Variants in UBE2W observed in about 807,000 individuals in gnomAD.
The protein encoded by UBE2W is ubiquitin-conjugating enzyme E2 W.
A neutral mutation model predicts 27.2 loss-of-function variants in UBE2W; 18 were observed. The ratio of observed to expected loss-of-function variants is 0.66; its 90% CI spans 0.46 to 0.98. UBE2W has a LOEUF of 0.98. UBE2W is among the 50% of genes least tolerant of loss of function. The probability of loss-of-function intolerance (pLI) is 0.00; values close to 1 mark genes in which losing one functional copy is unlikely to be tolerated. For synonymous variants in UBE2W, 53 were observed against 57.2 expected, an observed-to-expected ratio of 0.93 and a Z score of 0.33; for missense variants, 90 against 180.2, an observed-to-expected ratio of 0.50 and a Z score of 2.87.
chr8:73,857,706 C>T (rs1811363443), intron 1 of UBE2W, among the ~76,000 whole-genome samples: 1 of 152,022 alleles, frequency 6.6e-6, no homozygotes, highest in Admixed American at 6.6e-5. Context: ...GTCCCAGCTA[C>T]TCAGGAAGCT....
intron 2 of UBE2W, among the ~76,000 whole-genome samples, chr8:73,829,642 CCT>C (rs763745129): frequency 1.3e-5 from 2 of 151,848 alleles, no homozygotes; most frequent in Non-Finnish European, 2.9e-5. Flanking sequence ...AGCTTTGACC[CCT>C]GTCTTAGGTA....
At chr8:73,844,256 C>A (rs1236928511) in intron 1 of UBE2W, among the ~76,000 whole-genome samples, 2 of 151,518 alleles carry the variant, frequency 1.3e-5, no homozygotes, top group African/African-American at 2.4e-5. Context: ...CTGCCTGATT[C>A]TCCTGCCTCA....
intron 5 of UBE2W, 149 bp from the exon 6 acceptor site, chr8:73,794,264 G>A (rs1808322302): frequency 1.1e-6 from 1 of 927,370 alleles, no homozygotes. Flanking sequence ...TGAATACAAA[G>A]TGCAATATAT....
At chr8:73,833,675 A>G (rs1442742378) in intron 1 of UBE2W, 1 of 150,626 alleles carries the variant, frequency 6.6e-6, no homozygotes, top group Non-Finnish European at 1.5e-5. Flanking sequence ...ACAAAACAAA[A>G]CACAGTAGTC....
At chr8:73,838,886 A>T (rs773025802) in intron 1 of UBE2W, among the ~76,000 whole-genome samples, 3 of 152,324 alleles carry the variant, frequency 2.0e-5, no homozygotes, top group Middle Eastern at 3.4e-3. Context: ...TTCTGCAACT[A>T]ATCAGACTGA....
intron 1 of UBE2W, among the ~76,000 whole-genome samples, chr8:73,875,984 G>A (rs950788934): frequency 2.0e-5 from 3 of 152,004 alleles, no homozygotes; most frequent in Non-Finnish European, 4.4e-5. Flanking sequence ...CCCTGGGAGC[G>A]GAGGTTGCAG....
chr8:73,873,120 G>A (rs985882508), intron 1 of UBE2W, among the ~76,000 whole-genome samples: 9 of 151,992 alleles, frequency 5.9e-5, no homozygotes, highest in African/African-American at 1.7e-4. Flanking sequence ...TGTTGGCCGG[G>A]CTGGTCTCGA....
At chr8:73,817,432 A>G (rs1422081474) in intron 3 of UBE2W, among the ~76,000 whole-genome samples, 1 of 152,244 alleles carries the variant, frequency 6.6e-6, no homozygotes, top group Non-Finnish European at 1.5e-5. Flanking sequence ...AATACTGGAT[A>G]TGTAAAGGAA....
At chr8:73,808,857 G>A (rs553871823) in intron 4 of UBE2W, among the ~76,000 whole-genome samples, 7 of 152,208 alleles carry the variant, frequency 4.6e-5, no homozygotes, top group African/African-American at 1.7e-4. Flanking sequence ...GAATGGTGAG[G>A]GTTAGAGGAA....
chr8:73,866,874 A>G (rs1811796113), intron 1 of UBE2W, among the ~76,000 whole-genome samples: 1 of 151,638 alleles, frequency 6.6e-6, no homozygotes, highest in Non-Finnish European at 1.5e-5. Flanking sequence ...GTGTGGTGGC[A>G]GGCACCTGTA....
In UBE2W at chr8:73,788,801, T is replaced by C; in HGVS notation, c.*5301A>G. On this transcript the variant is annotated 3_prime_UTR_variant, in exon 6 of 6. Transcript: ENST00000602593. The stretch of plus-strand genomic sequence containing the variant: ...CTTTTCTCAAAACCCAGAGAGTGTA[T>C]GTGCCAAGGACTAGAACAAGAATTG... The C allele has an allele frequency of 4.1e-6, 4 of 985,386 alleles. No homozygotes were observed. The highest frequency in any genetic ancestry group is 4.7e-5 in the South Asian group (1 of 21,290). The allele number at this position is 985,386 out of a possible 1,614,324, so 61.0% of individuals were successfully genotyped here. A position where few individuals can be genotyped will look rare whatever the true frequency, so the allele number is the denominator to read the frequency against.
intron 1 of UBE2W, among the ~76,000 whole-genome samples, chr8:73,832,248 C>CTA (rs1469275415): frequency 6.6e-6 from 1 of 151,894 alleles, no homozygotes; most frequent in East Asian, 1.9e-4. Context: ...CTGCAGTGAA[C>CTA]TATAGTTGTA....
intron 1 of UBE2W, among the ~76,000 whole-genome samples, chr8:73,856,225 G>C (rs1483662310): frequency 6.6e-6 from 1 of 151,934 alleles, no homozygotes; most frequent in Non-Finnish European, 1.5e-5. Flanking sequence ...CTTGTATCTT[G>C]TCCTAAGTAA....
intron 3 of UBE2W, among the ~76,000 whole-genome samples, chr8:73,813,064 T>A (rs372489150): frequency 3.0e-5 from 2 of 66,712 alleles, no homozygotes; most frequent in Non-Finnish European, 5.5e-5. Flanking sequence ...TCAAGAAGAA[T>A]AGTGATCTGA....
intron 1 of UBE2W, among the ~76,000 whole-genome samples, chr8:73,833,420 T>C (rs1050084441): frequency 3.9e-5 from 6 of 151,984 alleles, no homozygotes; most frequent in African/African-American, 1.2e-4. Flanking sequence ...TTTTAATATA[T>C]AATGATCACC....
intron 4 of UBE2W, 54 bp from the exon 5 acceptor site, chr8:73,805,780 A>C: frequency 9.4e-7 from 1 of 1,063,430 alleles, no homozygotes; most frequent in Admixed American, 2.8e-5. Context: ...TGAGAGGGTG[A>C]CAGTTTTAAT....
intron 4 of UBE2W, chr8:73,780,648 C>G (rs1807825069): frequency 2.9e-6 from 1 of 344,408 alleles, no homozygotes; most frequent in Non-Finnish European, 5.7e-6. Flanking sequence ...TAGTTTCCAG[C>G]TACTTGGGAC....
At chr8:73,812,335 G>A (rs966475498) in intron 3 of UBE2W, among the ~76,000 whole-genome samples, 2 of 151,920 alleles carry the variant, frequency 1.3e-5, no homozygotes, top group African/African-American at 4.8e-5. Flanking sequence ...ATTTTGTAAT[G>A]GCTACGCTCT....
In UBE2W at chr8:73,793,712, A is replaced by G; in HGVS notation, c.*390T>C. 1 of 1,000,554 alleles carries G rather than the reference A, an allele frequency of 1.0e-6. No homozygotes were observed. The highest frequency in any genetic ancestry group is 1.2e-6 in the Non-Finnish European group (1 of 839,808). The allele number at this position is 1,000,554 out of a possible 1,614,324, so 62.0% of individuals were successfully genotyped here. ...CATGCATTAATCATTGAATGGCAGG[A>G]GTTAATGAAAACTTTTCCTGTTACA... On this transcript the variant is annotated 3_prime_UTR_variant, in exon 6 of 6. Transcript: ENST00000602593.
Sources: allele counts gnomAD v4.1 joint callset (sites outside exome capture counted in the v4.1 genomes callset), GRCh38; gene constraint gnomAD v4.1.1; transcripts MANE v1.5; gene names NCBI Gene and HGNC (gene_info 2026-07-23, HGNC 2026-07-21).